Variants in SLC30A7 observed in about 807,000 individuals in gnomAD.
SLC30A7 encodes the protein solute carrier family 30 member 7.
Under a neutral mutation model 46.0 loss-of-function variants are expected in SLC30A7, and 35 were observed. That is an observed-to-expected ratio of 0.76 (90% CI 0.58 to 1.01). SLC30A7 has a LOEUF of 1.01. Ranked by LOEUF, SLC30A7 falls within the 50% of genes least tolerant of loss-of-function variation. The probability of loss-of-function intolerance (pLI) is 0.00; values close to 1 mark genes in which losing one functional copy is unlikely to be tolerated. For missense variants in SLC30A7, 464 were observed against 451.1 expected, an observed-to-expected ratio of 1.03 and a Z score of -0.26; for synonymous variants, 147 against 157.8, an observed-to-expected ratio of 0.93 and a Z score of 0.51.
chr1:100,912,398 C>A (rs527773747), intron 5 of SLC30A7, among the ~76,000 whole-genome samples, 160 bp downstream of exon 5: 1 of 152,302 alleles, frequency 6.6e-6, no homozygotes, highest in East Asian at 1.9e-4. Context: ...GCCCCTCCAT[C>A]TCAGTGCCTT....
chr1:100,929,272 A>G (rs186016712), intron 8 of SLC30A7, among the ~76,000 whole-genome samples: 9 of 152,262 alleles, frequency 5.9e-5, no homozygotes, highest in African/African-American at 9.6e-5. Context: ...TTAAAAAAGC[A>G]TAAGTTTTTT....
chr1:100,915,206 TTTC>T (rs1468404846), intron 6 of SLC30A7, among the ~76,000 whole-genome samples: 13 of 120,122 alleles, frequency 1.1e-4, no homozygotes, highest in African/African-American at 2.1e-4. Context: ...TCTTTCTTTC[TTTC>T]TTTCTTTCTT....
chr1:100,897,239 G>A (rs1255984105), intron 2 of SLC30A7, among the ~76,000 whole-genome samples: 1 of 151,992 alleles, frequency 6.6e-6, no homozygotes, highest in Non-Finnish European at 1.5e-5. Context: ...ATAGTTTCTA[G>A]AAACAACATT....
intron 8 of SLC30A7, among the ~76,000 whole-genome samples, chr1:100,946,530 C>A (rs1654647276): frequency 6.6e-6 from 1 of 152,134 alleles, no homozygotes; most frequent in African/African-American, 2.4e-5. Context: ...TTTTCTGCAT[C>A]TTTTGAGATA....
chr1:100,988,208 C>T, the SLC30A7 span, among the ~76,000 whole-genome samples: 8 of 152,264 alleles, frequency 5.3e-5, no homozygotes, highest in African/African-American at 1.4e-4. Context: ...GTTCTTCTAG[C>T]GGCCTTTAAT....
At chr1:100,915,568 A>C (rs1239008735) in intron 6 of SLC30A7, among the ~76,000 whole-genome samples, 1 of 152,168 alleles carries the variant, frequency 6.6e-6, no homozygotes, top group Non-Finnish European at 1.5e-5. Flanking sequence ...CACTTAGCAT[A>C]ATGTCCTTCA....
At chr1:100,907,168 T>C (rs1310608830) in intron 3 of SLC30A7, among the ~76,000 whole-genome samples, 1 of 152,178 alleles carries the variant, frequency 6.6e-6, no homozygotes, top group Admixed American at 6.5e-5. Flanking sequence ...TTGAATAGTA[T>C]ATAATTGGAA....
intron 2 of SLC30A7, among the ~76,000 whole-genome samples, chr1:100,899,049 T>C (rs1008430081): frequency 6.6e-6 from 1 of 152,232 alleles, no homozygotes; most frequent in Non-Finnish European, 1.5e-5. Flanking sequence ...AAGGAAGAAC[T>C]TAATTATAGT....
At chr1:100,985,324 G>A (rs1373287051), downstream of SLC30A7, among the ~76,000 whole-genome samples, 1 of 152,042 alleles carries the variant, frequency 6.6e-6, no homozygotes, top group East Asian at 1.9e-4. Context: ...CAAGAAGCTG[G>A]GCAAACCCAA....
chr1:100,990,024 C>G, the SLC30A7 span: 1 of 202,400 alleles, frequency 4.9e-6, no homozygotes, highest in African/African-American at 2.4e-5. Context: ...AGGTATTAAT[C>G]CATTCTCACA....
At chr1:100,969,508 G>A (rs909585535) in intron 10 of SLC30A7, among the ~76,000 whole-genome samples, 10 of 152,270 alleles carry the variant, frequency 6.6e-5, no homozygotes, top group Admixed American at 2.6e-4. Context: ...AGCTGTGTCC[G>A]GGCTTAGGAA....
At chr1:100,913,618 T>C (rs745940568) in intron 5 of SLC30A7, 45 bp from the exon 6 acceptor site, 3 of 1,410,756 alleles carry the variant, frequency 2.1e-6, no homozygotes, top group Non-Finnish European at 3.0e-6. Flanking sequence ...ACCATTTATA[T>C]AATATATTTT....
chr1:100,942,150 A>G (rs1654387218), intron 8 of SLC30A7, among the ~76,000 whole-genome samples: 2 of 152,300 alleles, frequency 1.3e-5, no homozygotes, highest in South Asian at 2.1e-4. Flanking sequence ...CCATCAGTAG[A>G]TAAATGTCCA....
At chr1:100,963,822 C>G (rs1456436247) in intron 9 of SLC30A7, among the ~76,000 whole-genome samples, 2 of 152,054 alleles carry the variant, frequency 1.3e-5, no homozygotes, top group African/African-American at 4.8e-5. Context: ...TGTGCATTAA[C>G]TGATGGTAAC....
chr1:100,904,279 C>T (rs754815983), intron 2 of SLC30A7, among the ~76,000 whole-genome samples: 10 of 152,186 alleles, frequency 6.6e-5, no homozygotes, highest in Non-Finnish European at 1.0e-4. Flanking sequence ...GATTTCTTTC[C>T]TCAGCTGTGT....
chr1:100,949,564 T>C (rs1375142331), intron 8 of SLC30A7, among the ~76,000 whole-genome samples: 1 of 152,226 alleles, frequency 6.6e-6, no homozygotes, highest in Non-Finnish European at 1.5e-5. Context: ...GACAGGGACG[T>C]TTAAGTCTGC....
At chr1:100,967,648 C>T (rs1655938502) in intron 10 of SLC30A7, among the ~76,000 whole-genome samples, 1 of 152,188 alleles carries the variant, frequency 6.6e-6, no homozygotes, top group Non-Finnish European at 1.5e-5. Context: ...TCACTTGAAT[C>T]TAACCATGAG....
chr1:100,930,523 A>G (rs940067119), intron 8 of SLC30A7, among the ~76,000 whole-genome samples: 1 of 152,088 alleles, frequency 6.6e-6, no homozygotes, highest in East Asian at 1.9e-4. Flanking sequence ...TTGATTTCAT[A>G]TTTAAATAGA....
intron 10 of SLC30A7, among the ~76,000 whole-genome samples, 190 bp downstream of exon 10, chr1:100,966,108 G>A (rs1655846472): frequency 6.6e-6 from 1 of 151,430 alleles, no homozygotes; most frequent in Admixed American, 6.6e-5. Context: ...TGCGCCTATA[G>A]TCCCAGCTGC....
Sources: gnomAD v4.1 joint callset for allele counts (sites outside exome capture counted in the v4.1 genomes callset) on GRCh38, gnomAD v4.1.1 for gene constraint, MANE v1.5 for transcripts, NCBI Gene and HGNC (gene_info 2026-07-23, HGNC 2026-07-21) for gene names.